TPO: variants seen among roughly 807,000 people sequenced by gnomAD.
The protein encoded by TPO is thyroid peroxidase.
TPO carries 78 observed loss-of-function variants against 96.9 expected under a neutral mutation model. The observed-to-expected ratio is 0.81, with a 90% CI of 0.67 to 0.97. TPO has a LOEUF of 0.97. Ranked by LOEUF, TPO falls within the 50% of genes least tolerant of loss-of-function variation. The pLI, the probability that TPO is intolerant of heterozygous loss-of-function variation, is 0.00. For synonymous variants in TPO, 547 were observed against 538.0 expected (o/e 1.02, Z -0.23); for missense variants, 1,252 against 1,274.8 (o/e 0.98, Z 0.27).
chr2:1,391,702 T>G (rs1662002797), intron 1 of TPO, among the ~76,000 whole-genome samples: 1 of 152,176 alleles, frequency 6.6e-6, no homozygotes, highest in Non-Finnish European at 1.5e-5. Context: ...GAGCAGTAGT[T>G]TGTAGTTCTC....
chr2:1,504,976 G>A (rs554619398), intron 14 of TPO, among the ~76,000 whole-genome samples: 6 of 152,310 alleles, frequency 3.9e-5, no homozygotes, highest in African/African-American at 1.2e-4. Context: ...CCAGGGCGGA[G>A]AGGGGTCAGT....
intron 15 of TPO, among the ~76,000 whole-genome samples, chr2:1,521,869 C>T (rs575179499): frequency 1.5e-3 from 222 of 152,154 alleles, no homozygotes; most frequent in African/African-American, 5.3e-3. Flanking sequence ...ACAGCAAGGA[C>T]AGCCTCCCAC....
chr2:1,466,170 T>A (rs1668874501), intron 7 of TPO, among the ~76,000 whole-genome samples: 1 of 152,246 alleles, frequency 6.6e-6, no homozygotes, highest in Admixed American at 6.5e-5. Flanking sequence ...TGCTTTTGAT[T>A]CTGCTTACAT....
chr2:1,414,644 T>A (rs2148400726), intron 2 of TPO, 142 bp downstream of exon 2: 1 of 714,586 alleles, frequency 1.4e-6, no homozygotes, highest in East Asian at 2.8e-5. Flanking sequence ...AAAAAAAAAT[T>A]GTAATTCTTG....
At chr2:1,501,772 G>T (rs139971902) in intron 13 of TPO, among the ~76,000 whole-genome samples, 1 of 152,124 alleles carries the variant, frequency 6.6e-6, no homozygotes, top group African/African-American at 2.4e-5. Flanking sequence ...GCCAGGGCAT[G>T]CAGGAAGGAC....
chr2:1,449,312 C>T (rs1667116309), intron 5 of TPO, among the ~76,000 whole-genome samples: 1 of 152,232 alleles, frequency 6.6e-6, no homozygotes, highest in Non-Finnish European at 1.5e-5. Context: ...CACCTCATAT[C>T]TGATGTCTGA....
intron 1 of TPO, among the ~76,000 whole-genome samples, chr2:1,379,637 C>T (rs1203701146): frequency 6.6e-6 from 1 of 152,198 alleles, no homozygotes; most frequent in Non-Finnish European, 1.5e-5. Context: ...TAGCTCACAG[C>T]CTTCCATCTT....
In TPO at chr2:1,494,728, C is replaced by A. The variant is rs28991279; in HGVS notation, c.2006+689C>A. Among the ~76,000 whole-genome samples the A allele has an allele frequency of 6.4e-3, 979 of 152,264 alleles. 8 individuals carry two copies. Among genetic ancestry groups the A allele is most frequent in the African/African-American group, 0.023 (938 of 41,548 alleles). ...GACAAAAGCAATAGGAAAATGTTTT[C>A]TTTTGCTTTTAAATACATCCCTACC... On this transcript the variant is annotated intron_variant, in intron 11 of 16. Transcript: ENST00000329066.
intron 2 of TPO, among the ~76,000 whole-genome samples, chr2:1,417,263 G>A (rs944618751): frequency 3.0e-5 from 3 of 100,222 alleles, no homozygotes; most frequent in Admixed American, 9.6e-5. Context: ...GGCCAGTGCC[G>A]TGACTCACAT....
chr2:1,432,653 AGAGGCCTGCAGGTGGGGT>A (rs1484315815), intron 3 of TPO, among the ~76,000 whole-genome samples: 959 of 56,466 alleles, frequency 0.017, 38 homozygotes, highest in Middle Eastern at 0.042. Flanking sequence ...GCAGGTGAGG[AGAGGCCTGCAGGTGGGGT>A]GAGGCCTGCA....
intron 7 of TPO, among the ~76,000 whole-genome samples, chr2:1,471,917 GGT>G (rs916154095): frequency 2.0e-5 from 3 of 148,932 alleles, no homozygotes; most frequent in African/African-American, 7.4e-5. Context: ...TGATGCTCAT[GGT>G]GTGCCCTTCC....
intron 5 of TPO, among the ~76,000 whole-genome samples, chr2:1,445,741 G>A (rs1276076468): frequency 8.2e-6 from 1 of 121,848 alleles, no homozygotes; most frequent in African/African-American, 3.0e-5. Context: ...TGCTGCAGGA[G>A]GTACCATGTT....
chr2:1,470,384 C>G (rs1018438297), intron 7 of TPO, among the ~76,000 whole-genome samples: 1 of 152,132 alleles, frequency 6.6e-6, no homozygotes, highest in Admixed American at 6.6e-5. Flanking sequence ...CTTGGTCCTT[C>G]ACTCTATATG....
At chr2:1,377,489 T>C (rs1661739351) in intron 1 of TPO, among the ~76,000 whole-genome samples, 1 of 152,152 alleles carries the variant, frequency 6.6e-6, no homozygotes, top group Non-Finnish European at 1.5e-5. Flanking sequence ...GGAGCCAGGC[T>C]TCTCTGTTTA....
At chr2:1,535,972 C>G (rs1285952705) in intron 15 of TPO, among the ~76,000 whole-genome samples, 1 of 23,834 alleles carries the variant, frequency 4.2e-5, no homozygotes, top group African/African-American at 1.6e-4. Flanking sequence ...TCCCCCCACT[C>G]TGCACAATCT....
intron 16 of TPO, chr2:1,541,300 C>A (rs1335560178): frequency 8.1e-6 from 5 of 619,026 alleles, no homozygotes; most frequent in African/African-American, 2.0e-5. Flanking sequence ...AGGTCTGCTG[C>A]ACGGCATGGG....
In TPO at chr2:1,537,092, T is replaced by TG. The variant is rs142346289; in HGVS notation, c.2619-3502_2619-3501insG. Among the ~76,000 whole-genome samples, 113 of 30,966 alleles carry TG rather than the reference T, an allele frequency of 3.6e-3. 5 individuals are homozygous for TG. The highest frequency in any genetic ancestry group is 0.02 in the African/African-American group (75 of 3,762). 20.3% of individuals were successfully genotyped at this position (30,966 alleles called of 152,430 possible). ...ACTGTGTGCAACCTCACCAAATCCGTCCACTGTGTGCAACCTCCCTAGATC... is the reference window on the plus strand; with the variant it reads ...ACTGTGTGCAACCTCACCAAATCCGTGCCACTGTGTGCAACCTCCCTAGATC... On this transcript the variant is annotated intron_variant, in intron 15 of 16. Coordinates refer to ENST00000329066, the MANE Select transcript of TPO (RefSeq NM_001206744.2).
At chr2:1,514,745 C>A (rs1309922334) in intron 14 of TPO, among the ~76,000 whole-genome samples, 1 of 152,214 alleles carries the variant, frequency 6.6e-6, no homozygotes, top group Non-Finnish European at 1.5e-5. Context: ...GATTTACTGG[C>A]TCTTGAAATT....
intron 2 of TPO, among the ~76,000 whole-genome samples, chr2:1,422,714 T>A (rs1237983826): frequency 1.3e-5 from 2 of 152,242 alleles, no homozygotes; most frequent in East Asian, 3.9e-4. Flanking sequence ...GCAAATCTTA[T>A]CAACTTTACC....
Sources: gnomAD v4.1 joint callset for allele counts (sites outside exome capture counted in the v4.1 genomes callset) on GRCh38, gnomAD v4.1.1 for gene constraint, MANE v1.5 for transcripts, NCBI Gene and HGNC (gene_info 2026-07-23, HGNC 2026-07-21) for gene names.